B3GALNT2: variants seen among roughly 807,000 people sequenced by gnomAD.
B3GALNT2 encodes UDP-GalNAc:beta-1,3-N-acetylgalactosaminyltransferase 2.
In B3GALNT2, 53 loss-of-function variants were observed where a neutral mutation model predicts 61.1. The observed-to-expected ratio is 0.87, with a 90% CI of 0.70 to 1.09. The LOEUF (loss-of-function observed/expected upper bound fraction) is 1.09, where lower values mean the gene tolerates loss of function less well. Ranked by LOEUF, B3GALNT2 falls within the 50% of genes least tolerant of loss-of-function variation. The pLI, the probability that B3GALNT2 is intolerant of heterozygous loss-of-function variation, is 0.00. For missense variants in B3GALNT2, 544 were observed against 623.0 expected, an observed-to-expected ratio of 0.87 and a Z score of 1.35; for synonymous variants, 223 against 237.4, an observed-to-expected ratio of 0.94 and a Z score of 0.56.
At chr1:235,453,863 T>TAAA (rs1396453511) in intron 10 of B3GALNT2, among the ~76,000 whole-genome samples, 2 of 152,180 alleles carry the variant, frequency 1.3e-5, no homozygotes, top group African/African-American at 4.8e-5. Context: ...CCTTAACCTT[T>TAAA]GAGAGGTGAT....
At chr1:235,482,108 C>T (rs1282133897) in intron 4 of B3GALNT2, among the ~76,000 whole-genome samples, 2 of 152,102 alleles carry the variant, frequency 1.3e-5, no homozygotes, top group African/African-American at 4.8e-5. Context: ...GACCAATTCT[C>T]CTATAGATAG....
Position 235,496,408 on chromosome 1 carries a change from AATTT to A in B3GALNT2, c.113-1584_113-1581del, listed in dbSNP as rs1036192527. ...CTAAAACGAATTCTTTTATAAAGAC[AATTT>A]ATTTTTAAATAAATTCAAATTTTCA... is the stretch of plus-strand genomic sequence containing the variant. On this transcript the variant is annotated intron_variant, in intron 1 of 11. Coordinates refer to ENST00000366600, the MANE Select transcript of B3GALNT2 (RefSeq NM_152490.5). 5.4e-6 allele frequency: 4 copies of A among 739,328 alleles called. No individual in the cohort carries two copies. In the African/African-American group the frequency reaches 5.8e-5, roughly 11 times the overall value. The allele number at this position is 739,328 out of a possible 1,614,324, so 45.8% of individuals were successfully genotyped here.
chr1:235,476,687 T>C (rs187031601), intron 5 of B3GALNT2, among the ~76,000 whole-genome samples: 46 of 151,418 alleles, frequency 3.0e-4, no homozygotes, highest in African/African-American at 9.9e-4. Flanking sequence ...TTGTCTCTAC[T>C]AAAAAATACA....
Position 235,494,842 on chromosome 1 carries a change from C to A in B3GALNT2, c.113-14G>T, listed in dbSNP as rs765656986. 3 of 1,585,394 alleles carry A rather than the reference C, an allele frequency of 1.9e-6. No homozygotes were observed. Among genetic ancestry groups the A allele is most frequent in the Non-Finnish European group, 1.7e-6 (2 of 1,156,900 alleles). On this transcript the variant is annotated splice_polypyrimidine_tract_variant and intron_variant, in intron 1 of 11. Coordinates refer to ENST00000366600, the MANE Select transcript of B3GALNT2 (RefSeq NM_152490.5). ...AGGCCAACTGATCTAGAAATAAGAA[C>A]AATACATGAGAAATAAGTCATGTAT...
At chr1:235,484,755 A>G in intron 3 of B3GALNT2, 1 of 630,288 alleles carries the variant, frequency 1.6e-6, no homozygotes, top group Admixed American at 3.7e-5. Context: ...AACTGCTTTA[A>G]TAGCTTTTTG....
intron 6 of B3GALNT2, among the ~76,000 whole-genome samples, chr1:235,466,855 G>T (rs1413551640): frequency 2.0e-5 from 3 of 152,184 alleles, no homozygotes; most frequent in Non-Finnish European, 4.4e-5. Flanking sequence ...TTGTCTGGCT[G>T]TTGTGGGCTA....
intron 6 of B3GALNT2, among the ~76,000 whole-genome samples, chr1:235,470,575 C>CAAA (rs35802636): frequency 2.0e-4 from 24 of 118,296 alleles, no homozygotes; most frequent in East Asian, 1.2e-3. Flanking sequence ...GAGACCCTCT[C>CAAA]AAAAAAAAAA....
Position 235,467,553 on chromosome 1 carries a change from C to T in B3GALNT2, c.763-1839G>A, listed in dbSNP as rs190844991. Among the ~76,000 whole-genome samples, 216 of 121,482 alleles carry T rather than the reference C, an allele frequency of 1.8e-3. 1 individual carries two copies. The highest frequency in any genetic ancestry group is 6.3e-3 in the Middle Eastern group (1 of 160). 79.7% of individuals were successfully genotyped at this position (121,482 alleles called of 152,430 possible). On this transcript the variant is annotated intron_variant, in intron 6 of 11. Transcript: ENST00000366600. The stretch of plus-strand genomic sequence containing the variant: ...AGGCTGGAGTGCGATGGCGTGATTT[C>T]GGCTCACTGCAACATCTGCCTCGGG...
Position 235,470,895 on chromosome 1 carries a change from G to A in B3GALNT2, c.717C>T (p.His239=). Residue 239 remains histidine, a synonymous_variant, in exon 6 of 12, where the codon CAC becomes CAT. Transcript: ENST00000366600. The part of the protein sequence containing the change: ...DLHGLVSRNL[H]KVTVNDGGGV... ...CCCCTCCATCATTCACTGTCACTTT[G>A]TGGAGATTTCTTGACACAAGGCCGT... The A allele has an allele frequency of 6.2e-7, 1 of 1,614,036 alleles. No individual in the cohort carries two copies. Among genetic ancestry groups the A allele is most frequent in the Non-Finnish European group, 8.5e-7 (1 of 1,179,998 alleles).
At chr1:235,461,507 G>GTT (rs57611133) in intron 7 of B3GALNT2, among the ~76,000 whole-genome samples, 3,738 of 63,382 alleles carry the variant, frequency 0.059, 1,067 homozygotes, top group East Asian at 0.11. Flanking sequence ...ATGACCTCCT[G>GTT]TTTTTTTTTT....
At chr1:235,454,404 G>A (rs900117188) in intron 9 of B3GALNT2, 89 bp from the exon 10 acceptor site, 5 of 1,249,586 alleles carry the variant, frequency 4.0e-6, no homozygotes, top group Non-Finnish European at 5.5e-6. Context: ...TCACTACAAA[G>A]GAATAAGCTT....
chr1:235,479,019 G>C (rs114458698), intron 5 of B3GALNT2: 2 of 152,090 alleles, frequency 1.3e-5, no homozygotes, highest in Non-Finnish European at 2.9e-5. Flanking sequence ...TGAGAGTAGC[G>C]TATTCAGAAG....
At chr1:235,477,704 T>C (rs1684353885) in intron 5 of B3GALNT2, among the ~76,000 whole-genome samples, 1 of 152,172 alleles carries the variant, frequency 6.6e-6, no homozygotes, top group Non-Finnish European at 1.5e-5. Flanking sequence ...TCACCCTACA[T>C]CCAGTTTTAA....
At chr1:235,485,721 C>A (rs1182888057) in intron 3 of B3GALNT2, among the ~76,000 whole-genome samples, 1 of 152,160 alleles carries the variant, frequency 6.6e-6, no homozygotes, top group Non-Finnish European at 1.5e-5. Context: ...TATCAAAGTT[C>A]TTTGTATCTT....
At chr1:235,447,080 T>TCAAA (rs1372659446), downstream of B3GALNT2, among the ~76,000 whole-genome samples, 14 of 152,160 alleles carry the variant, frequency 9.2e-5, no homozygotes, top group African/African-American at 2.9e-4. Context: ...TCACCAGCCT[T>TCAAA]CAAACAATGA....
intron 1 of B3GALNT2, among the ~76,000 whole-genome samples, chr1:235,501,260 G>C (rs1685569011): frequency 6.6e-6 from 1 of 152,112 alleles, no homozygotes; most frequent in African/African-American, 2.4e-5. Context: ...TCACCCTCAG[G>C]TGTACTGGAT....
intron 1 of B3GALNT2, among the ~76,000 whole-genome samples, chr1:235,501,638 G>C (rs1457065864): frequency 1.3e-5 from 2 of 152,058 alleles, no homozygotes; most frequent in African/African-American, 4.8e-5. Context: ...AATATTTGCT[G>C]AATCAACTGC....
At chr1:235,451,460 A>G (rs1682892208) in intron 11 of B3GALNT2, 1 of 142,578 alleles carries the variant, frequency 7.0e-6, no homozygotes, top group Non-Finnish European at 1.5e-5. Flanking sequence ...TTCCAAAGAC[A>G]TGAGATGGTC....
chr1:235,449,118 T>G lies in B3GALNT2; in HGVS notation c.*1088A>C. 3.5e-6 allele frequency: 1 copy of G among 284,956 alleles called. No homozygotes were observed. The highest frequency in any genetic ancestry group is 6.8e-6 in the Non-Finnish European group (1 of 147,310). The allele number at this position is 284,956 out of a possible 1,614,324, so 17.7% of individuals were successfully genotyped here. A position where few individuals can be genotyped will look rare whatever the true frequency, so the allele number is the denominator to read the frequency against. Reference sequence around the variant, plus strand: ...CATAAGACTAGTTTTAATGGAATTCTCTATTGAAACTACTATTTTAAAGGG... The same window carrying G: ...CATAAGACTAGTTTTAATGGAATTCGCTATTGAAACTACTATTTTAAAGGG... On this transcript the variant is annotated 3_prime_UTR_variant, in exon 12 of 12. Coordinates refer to ENST00000366600, the MANE Select transcript of B3GALNT2 (RefSeq NM_152490.5).
Sources: allele counts gnomAD v4.1 joint callset (sites outside exome capture counted in the v4.1 genomes callset), GRCh38; gene constraint gnomAD v4.1.1; transcripts MANE v1.5; gene names NCBI Gene and HGNC (gene_info 2026-07-23, HGNC 2026-07-21).